Variants in COG3 observed in about 807,000 individuals in gnomAD.
COG3 encodes conserved oligomeric Golgi complex subunit 3.
In COG3, 32 loss-of-function variants were observed where a neutral mutation model predicts 114.1. That is an observed-to-expected ratio of 0.28 (90% confidence interval 0.21 to 0.38). COG3 has a LOEUF of 0.38. Among genes scored for constraint, COG3 ranks in the 10% least tolerant of loss-of-function variants. The pLI is 1.00. For missense variants in COG3, 813 were observed against 973.2 expected (o/e 0.84, Z 2.19); for synonymous variants, 352 against 365.7 (o/e 0.96, Z 0.43).
chr13:45,519,225 A>G, intron 19 of COG3, 131 bp downstream of exon 19: 2 of 990,626 alleles, frequency 2.0e-6, no homozygotes, highest in Non-Finnish European at 3.0e-6. Context: ...CTGTCTAGGA[A>G]ATCACTGTGT....
At chr13:45,494,450 C>G (rs1868494033) in intron 12 of COG3, among the ~76,000 whole-genome samples, 1 of 151,894 alleles carries the variant, frequency 6.6e-6, no homozygotes, top group Non-Finnish European at 1.5e-5. Context: ...TTGCATTTAA[C>G]TCATTCATTT....
intron 13 of COG3, among the ~76,000 whole-genome samples, chr13:45,497,502 G>A (rs1266833411): frequency 6.6e-6 from 1 of 152,006 alleles, no homozygotes; most frequent in Non-Finnish European, 1.5e-5. Context: ...AAATACTTCA[G>A]GCTGGGAATG....
chr13:45,474,750 A>G (rs1053181228), intron 1 of COG3, among the ~76,000 whole-genome samples: 3 of 151,980 alleles, frequency 2.0e-5, no homozygotes, highest in South Asian at 2.1e-4. Context: ...AGAAAATGCT[A>G]TCTTCAGATG....
chr13:45,489,583 T>C (rs1399311068), intron 8 of COG3, among the ~76,000 whole-genome samples: 1 of 152,154 alleles, frequency 6.6e-6, no homozygotes, highest in Middle Eastern at 3.2e-3. Flanking sequence ...AACAAATTAA[T>C]ATATGTGATG....
Position 45,534,990 on chromosome 13 carries a change from G to A in COG3, c.*259G>A. On this transcript the variant is annotated 3_prime_UTR_variant, in exon 23 of 23. Coordinates refer to ENST00000349995, the MANE Select transcript of COG3 (RefSeq NM_031431.4). ...TCGTTTAAATGGTCACAAGAAATGT[G>A]AAGAGAGAGCTAGGGCAGACATGCA... 8.2e-7 allele frequency: 1 copy of A among 1,219,302 alleles called. No individual in the cohort carries two copies. The highest frequency in any genetic ancestry group is 1.0e-6 in the Non-Finnish European group (1 of 980,742). The allele number at this position is 1,219,302 out of a possible 1,614,324, so 75.5% of individuals were successfully genotyped here.
Position 45,513,785 on chromosome 13 carries a change from T to C in COG3, c.1809+1931T>C, listed in dbSNP as rs1871229188. Among the ~76,000 whole-genome samples the C allele has an allele frequency of 3.9e-5, 6 of 151,926 alleles. No homozygotes were observed. The South Asian group carries it at 1.2e-3, about 32-fold the overall frequency. On this transcript the variant is annotated intron_variant, in intron 16 of 22. Coordinates refer to ENST00000349995, the MANE Select transcript of COG3 (RefSeq NM_031431.4). ...GTGCCCGCACATTTTTGATAATAGG[T>C]GAAATTAGAAAACACATGTCTAATG...
chr13:45,497,796 A>ACAACAACAACAG (rs1868994452), intron 13 of COG3, among the ~76,000 whole-genome samples: 1 of 149,862 alleles, frequency 6.7e-6, no homozygotes, highest in African/African-American at 2.5e-5. Flanking sequence ...AACAACAACA[A>ACAACAACAACAG]CAACAACAAC....
chr13:45,480,977 A>AGAAG (rs1297757602), intron 4 of COG3, among the ~76,000 whole-genome samples: 1 of 152,256 alleles, frequency 6.6e-6, no homozygotes, highest in Non-Finnish European at 1.5e-5. Context: ...AGTATGTCTC[A>AGAAG]GAATTTTCTC....
rs773109664 is a variant in COG3, at chr13:45,535,984, A to C, written c.*1253A>C. 7.5e-4 allele frequency: 362 copies of C among 482,366 alleles called. 1 individual carries two copies. The highest frequency in any genetic ancestry group is 9.3e-4 in the Non-Finnish European group (342 of 368,538). 29.9% of individuals were successfully genotyped at this position (482,366 alleles called of 1,614,324 possible). ...TTGGTGCAGTGGGTGCCTGTAACTCATTAGACGTACTGAGGCAGCACTTCT... is the reference window on the plus strand; with the variant it reads ...TTGGTGCAGTGGGTGCCTGTAACTCCTTAGACGTACTGAGGCAGCACTTCT... On this transcript the variant is annotated 3_prime_UTR_variant, in exon 23 of 23. Transcript: ENST00000349995.
chr13:45,472,316 T>C (rs1224378586), intron 1 of COG3, among the ~76,000 whole-genome samples: 1 of 152,174 alleles, frequency 6.6e-6, no homozygotes, highest in Non-Finnish European at 1.5e-5. Context: ...TGTGTATGTG[T>C]GTATTCTGCT....
chr13:45,474,149 CTCTTTT>C (rs1310613566), intron 1 of COG3, among the ~76,000 whole-genome samples: 4 of 103,372 alleles, frequency 3.9e-5, no homozygotes, highest in African/African-American at 8.6e-5. Context: ...TTCTTTTTTA[CTCTTTT>C]TTTTTTTTTT....
chr13:45,535,537 C>G lies in COG3; in HGVS notation c.*806C>G. The G allele has an allele frequency of 1.0e-6, 1 of 985,512 alleles. No individual in the cohort carries two copies. The highest frequency in any genetic ancestry group is 1.2e-6 in the Non-Finnish European group (1 of 830,054). The allele number at this position is 985,512 out of a possible 1,614,324, so 61.0% of individuals were successfully genotyped here. A position where few individuals can be genotyped will look rare whatever the true frequency, so the allele number is the denominator to read the frequency against. On this transcript the variant is annotated 3_prime_UTR_variant, in exon 23 of 23. Transcript: ENST00000349995. ...TTGGCGCATAGAGGAGAGAAGGAAACCTGAGGAGTAGTGTTCCTCCTGAAT... is the reference window on the plus strand; with the variant it reads ...TTGGCGCATAGAGGAGAGAAGGAAAGCTGAGGAGTAGTGTTCCTCCTGAAT...
chr13:45,478,458 C>G (rs1226824514), intron 2 of COG3, among the ~76,000 whole-genome samples: 1 of 149,988 alleles, frequency 6.7e-6, no homozygotes, highest in South Asian at 2.1e-4. Context: ...AGATTACAGG[C>G]GTGAGCCACC....
intron 11 of COG3, 51 bp downstream of exon 11, chr13:45,492,301 G>A: frequency 9.9e-7 from 1 of 1,012,208 alleles, no homozygotes; most frequent in Non-Finnish European, 1.5e-6. Context: ...ACTTGCTAAT[G>A]ACCATAATGA....
rs768884478 is a variant in COG3, at chr13:45,493,443, G to C, written c.1284G>C (p.Gly428=). 1.9e-6 allele frequency: 3 copies of C among 1,613,198 alleles called. No homozygotes were observed. Among genetic ancestry groups the C allele is most frequent in the Non-Finnish European group, 2.5e-6 (3 of 1,179,564 alleles). Residue 428 remains glycine, a synonymous_variant, in exon 12 of 23, where the codon GGG becomes GGC. Transcript: ENST00000349995. ...TAGAGACTCTGTCGGAACTTTGTGG[G>C]ATTCTTAAAAATGAGGTGCTTGAAG... ...IHLETLSELC[G]ILKNEVLEDH...
intron 18 of COG3, 29 bp from the exon 19 acceptor site, chr13:45,518,931 C>G (rs767472173): frequency 6.2e-7 from 1 of 1,613,438 alleles, no homozygotes; most frequent in Non-Finnish European, 8.5e-7. Flanking sequence ...CACATAAAAA[C>G]AGGAGGAAAT....
intron 14 of COG3, among the ~76,000 whole-genome samples, chr13:45,505,301 CT>C (rs1378918065): frequency 2.7e-5 from 3 of 111,586 alleles, no homozygotes; most frequent in African/African-American, 8.5e-5. Context: ...ATTAATCCTG[CT>C]TCCTTTTTTT....
intron 2 of COG3, 139 bp downstream of exon 2, chr13:45,476,486 C>A: frequency 2.3e-6 from 2 of 861,774 alleles, no homozygotes; most frequent in Non-Finnish European, 3.5e-6. Flanking sequence ...CTTGATTTTG[C>A]ATTAGTTGTG....
intron 20 of COG3, among the ~76,000 whole-genome samples, chr13:45,528,005 T>C (rs573478476): frequency 6.6e-6 from 1 of 152,286 alleles, no homozygotes; most frequent in Non-Finnish European, 1.5e-5. Flanking sequence ...AGCCTCTAGA[T>C]GTTTACATTT....
Sources: allele counts gnomAD v4.1 joint callset (sites outside exome capture counted in the v4.1 genomes callset), GRCh38; gene constraint gnomAD v4.1.1; transcripts MANE v1.5; gene names NCBI Gene and HGNC (gene_info 2026-07-23, HGNC 2026-07-21).